TAFA2: variants seen among roughly 807,000 people sequenced by gnomAD.
TAFA2 encodes the protein TAFA chemokine like family member 2.
Under a neutral mutation model 18.8 loss-of-function variants are expected in TAFA2, and 7 were observed. The observed-to-expected ratio is 0.37, with a 90% CI of 0.21 to 0.70. The LOEUF is 0.70. TAFA2 is among the 30% of genes least tolerant of loss of function. The probability of loss-of-function intolerance (pLI) is 0.53; values close to 1 mark genes in which losing one functional copy is unlikely to be tolerated. For synonymous variants in TAFA2, 60 were observed against 54.2 expected, an observed-to-expected ratio of 1.11 and a Z score of -0.47; for missense variants, 122 against 158.1, an observed-to-expected ratio of 0.77 and a Z score of 1.23.
chr12:62,144,851 C>T (rs577883559), intron 1 of TAFA2, among the ~76,000 whole-genome samples: 3 of 152,270 alleles, frequency 2.0e-5, no homozygotes, highest in South Asian at 2.1e-4. Flanking sequence ...CATAAGAAAT[C>T]GGTCTAGTAG....
At chr12:61,717,489 C>G (rs192500029) in intron 4 of TAFA2, among the ~76,000 whole-genome samples, 2 of 152,158 alleles carry the variant, frequency 1.3e-5, no homozygotes, top group Admixed American at 6.5e-5. Context: ...CTCCAAAGAA[C>G]TGCTTTTGCT....
chr12:62,089,474 A>G (rs971152450), intron 1 of TAFA2, among the ~76,000 whole-genome samples: 1 of 151,980 alleles, frequency 6.6e-6, no homozygotes, highest in South Asian at 2.1e-4. Flanking sequence ...AAATTTCAGT[A>G]ATTGTTTTTT....
intron 4 of TAFA2, among the ~76,000 whole-genome samples, chr12:61,747,916 TA>T (rs1358291603): frequency 1.3e-5 from 2 of 151,720 alleles, no homozygotes; most frequent in African/African-American, 4.8e-5. Flanking sequence ...AAATGTTGCA[TA>T]AAAATATTTA....
intron 1 of TAFA2, among the ~76,000 whole-genome samples, chr12:62,061,772 A>AAT (rs544506429): frequency 2.6e-3 from 396 of 152,296 alleles, no homozygotes; most frequent in African/African-American, 8.9e-3. Flanking sequence ...TCATTCATTG[A>AAT]ATATTTATTG....
chr12:61,808,687 A>C (rs1331450430), intron 2 of TAFA2, among the ~76,000 whole-genome samples: 2 of 151,462 alleles, frequency 1.3e-5, no homozygotes, highest in Non-Finnish European at 2.9e-5. Flanking sequence ...TTCAGGATGA[A>C]AGTAACATTG....
intron 2 of TAFA2, among the ~76,000 whole-genome samples, chr12:61,764,230 T>TGATAGACAGATAGATAGATA (rs1869688409): frequency 6.7e-6 from 1 of 150,026 alleles, no homozygotes. Context: ...GATGATTGAT[T>TGATAGACAGATAGATAGATA]GATAGATAGA....
intron 1 of TAFA2, among the ~76,000 whole-genome samples, chr12:62,029,708 C>G (rs888886567): frequency 6.6e-6 from 1 of 152,048 alleles, no homozygotes; most frequent in African/African-American, 2.4e-5. Flanking sequence ...TAGTTAAGTA[C>G]AGGTCAAGGT....
At chr12:61,782,199 C>T (rs1870534682) in intron 2 of TAFA2, among the ~76,000 whole-genome samples, 1 of 151,610 alleles carries the variant, frequency 6.6e-6, no homozygotes, top group South Asian at 2.1e-4. Flanking sequence ...AAAATGAGTT[C>T]AGGCCATGAT....
intron 1 of TAFA2, among the ~76,000 whole-genome samples, chr12:62,131,152 C>A (rs943157790): frequency 6.6e-6 from 1 of 151,892 alleles, no homozygotes; most frequent in African/African-American, 2.4e-5. Flanking sequence ...ACATACATGG[C>A]AGTTCACTGG....
chr12:61,879,692 A>T, intron 1 of TAFA2: 4 of 1,101,864 alleles, frequency 3.6e-6, no homozygotes, highest in Non-Finnish European at 5.5e-6. Flanking sequence ...GGCCAAGTGG[A>T]GCCTCCTGCA....
chr12:61,877,924 T>C (rs117550643), intron 1 of TAFA2, among the ~76,000 whole-genome samples: 104,115 of 146,806 alleles, frequency 0.71, 37,244 homozygotes, highest in East Asian at 0.79. Flanking sequence ...TATATATATA[T>C]ACACACACAC....
chr12:61,941,862 A>G (rs1592502741), intron 1 of TAFA2, among the ~76,000 whole-genome samples: 1 of 152,132 alleles, frequency 6.6e-6, no homozygotes. Flanking sequence ...GCAAGGCGGC[A>G]GCGAGGCTGG....
intron 1 of TAFA2, among the ~76,000 whole-genome samples, chr12:61,910,040 A>G (rs1292626756): frequency 1.3e-5 from 2 of 152,106 alleles, no homozygotes; most frequent in African/African-American, 4.8e-5. Context: ...TGCAATGCAA[A>G]AAACAAGGCC....
chr12:62,030,379 G>A (rs1029678677), intron 1 of TAFA2, among the ~76,000 whole-genome samples: 1 of 152,116 alleles, frequency 6.6e-6, no homozygotes, highest in Admixed American at 6.5e-5. Context: ...TGTTAATATG[G>A]GAGAAATAGA....
intron 1 of TAFA2, among the ~76,000 whole-genome samples, chr12:62,060,689 G>A (rs1882323356): frequency 6.6e-6 from 1 of 152,146 alleles, no homozygotes; most frequent in African/African-American, 2.4e-5. Context: ...GCGGGTTACT[G>A]CCCCTGAAGA....
At chr12:61,739,951 G>T (rs1260232791) in intron 4 of TAFA2, among the ~76,000 whole-genome samples, 1 of 152,008 alleles carries the variant, frequency 6.6e-6, no homozygotes, top group Non-Finnish European at 1.5e-5. Flanking sequence ...TTAGAAACAG[G>T]CTGACCAAAT....
chr12:62,012,480 G>A (rs1430688008), intron 1 of TAFA2, among the ~76,000 whole-genome samples: 1 of 150,642 alleles, frequency 6.6e-6, no homozygotes, highest in Non-Finnish European at 1.5e-5. Context: ...GTACAAAGGT[G>A]CATATGGTCA....
At chr12:62,067,154 T>C (rs1882511054) in intron 1 of TAFA2, among the ~76,000 whole-genome samples, 1 of 152,072 alleles carries the variant, frequency 6.6e-6, no homozygotes, top group Admixed American at 6.6e-5. Flanking sequence ...CATTTTTTAA[T>C]TGGGTTATTT....
intron 1 of TAFA2, among the ~76,000 whole-genome samples, chr12:62,111,801 T>C (rs984678549): frequency 5.9e-5 from 9 of 152,216 alleles, no homozygotes; most frequent in African/African-American, 1.9e-4. Flanking sequence ...GAGAGTAGGA[T>C]TGCAACCCCT....
Sources: gnomAD v4.1 joint callset for allele counts (sites outside exome capture counted in the v4.1 genomes callset) on GRCh38, gnomAD v4.1.1 for gene constraint, MANE v1.5 for transcripts, NCBI Gene and HGNC (gene_info 2026-07-23, HGNC 2026-07-21) for gene names.